The following TMEM169 variants were observed in gnomAD, a reference collection of about 807,000 sequenced individuals.
The protein encoded by TMEM169 is transmembrane protein 169.
In TMEM169, 18 loss-of-function variants were observed where a neutral mutation model predicts 27.3. The ratio of observed to expected loss-of-function variants is 0.66; its 90% CI spans 0.46 to 0.98. TMEM169 has a LOEUF of 0.98. Among genes scored for constraint, TMEM169 ranks in the 50% least tolerant of loss-of-function variants. TMEM169 has a pLI of 0.00. For synonymous variants in TMEM169, 136 were observed against 142.1 expected (o/e 0.96, Z 0.30); for missense variants, 320 against 368.6 (o/e 0.87, Z 1.08).
chr2:216,102,379 A>T lies in TMEM169; in HGVS notation c.*1837A>T, dbSNP rs1484556567. 1 of 152,414 alleles carries T rather than the reference A, an allele frequency of 6.6e-6. No homozygotes were observed. The highest frequency in any genetic ancestry group is 1.5e-5 in the Non-Finnish European group (1 of 68,042). 9.4% of individuals were successfully genotyped at this position (152,414 alleles called of 1,614,324 possible). ...TTAACAGACTCTGAACTTAAAAAAAAAAATCACTCCTAAGGGTGTCCTTCT... is the reference window on the plus strand; with the variant it reads ...TTAACAGACTCTGAACTTAAAAAAATAAATCACTCCTAAGGGTGTCCTTCT... On this transcript the variant is annotated 3_prime_UTR_variant, in exon 3 of 3. Transcript: ENST00000437356.
intron 1 of TMEM169, among the ~76,000 whole-genome samples, chr2:216,091,639 A>T (rs957205039): frequency 6.6e-6 from 1 of 150,896 alleles, no homozygotes; most frequent in Admixed American, 6.6e-5. Flanking sequence ...GTGAGAAGGC[A>T]CCATCTATGA....
At chr2:216,084,409 A>C (rs1695949993) in intron 1 of TMEM169, among the ~76,000 whole-genome samples, 2 of 152,238 alleles carry the variant, frequency 1.3e-5, no homozygotes, top group African/African-American at 2.4e-5. Flanking sequence ...ACTTCTCCTT[A>C]GTCTCAGGCT....
chr2:216,099,073 T>C lies in TMEM169; in HGVS notation c.272-847T>C, dbSNP rs1192049679. Among the ~76,000 whole-genome samples the C allele has an allele frequency of 2.0e-5, 3 of 148,868 alleles. No homozygotes were observed. The highest frequency in any genetic ancestry group is 3.0e-5 in the Non-Finnish European group (2 of 67,490). ...ATGTGTGGTGTGTGTGATGTGTATG[T>C]GTGTGTGTGGTGTGTTATGTGTGTA... is the stretch of plus-strand genomic sequence containing the variant. On this transcript the variant is annotated intron_variant, in intron 2 of 2. Transcript: ENST00000437356. The surrounding 1 kb of genome is among the most constrained non-coding windows in gnomAD (Gnocchi z 5.0).
intron 1 of TMEM169, among the ~76,000 whole-genome samples, chr2:216,094,034 T>C (rs1235768637): frequency 6.6e-6 from 1 of 152,184 alleles, no homozygotes; most frequent in Non-Finnish European, 1.5e-5. Context: ...GAAGCTTTAT[T>C]ATTGGAAATA....
intron 1 of TMEM169, among the ~76,000 whole-genome samples, chr2:216,089,184 A>C (rs1029662142): frequency 2.6e-5 from 4 of 152,196 alleles, no homozygotes; most frequent in African/African-American, 4.8e-5. Flanking sequence ...AGAAAGTTAA[A>C]GGAGGTGAGG....
At position 216,100,538 on chromosome 2, in the gene TMEM169, T is replaced by C. The variant is rs775815269; in HGVS notation, c.890T>C (p.Val297Ala). The part of the protein sequence containing the change: ...DPIQEVETST[V>A] ...ATCCAAGAAGTAGAAACCTCCACGG[T>C]CTAAACTCCCAACAACTTACTCCCT... Residue 297 changes from valine (V) to alanine (A), a missense_variant, in exon 3 of 3, where the codon GTC becomes GCC. Transcript: ENST00000437356. The C allele has an allele frequency of 6.8e-6, 11 of 1,613,876 alleles. No homozygotes were observed. The African/African-American group carries it at 1.2e-4, about 18-fold the overall frequency.
chr2:216,097,858 T>C (rs1019299420), intron 2 of TMEM169, among the ~76,000 whole-genome samples: 2 of 152,106 alleles, frequency 1.3e-5, no homozygotes, highest in Non-Finnish European at 2.9e-5. Context: ...ACTGCATGGT[T>C]GTGAAAGGCT....
rs1322009372 is a variant in TMEM169 at position 216,098,279 on chromosome 2, C to T, written c.272-1641C>T. ...ATGCTGATGGGAGACTATTGTGTCC[C>T]TGCAGCCTCAGTAGCACTAATGGAG... is the stretch of plus-strand genomic sequence containing the variant. On this transcript the variant is annotated intron_variant, in intron 2 of 2. Coordinates refer to ENST00000437356, the MANE Select transcript of TMEM169 (RefSeq NM_001142311.2). Among the ~76,000 whole-genome samples, 3 of 152,206 alleles carry T rather than the reference C, an allele frequency of 2.0e-5. No homozygotes were observed. The East Asian group carries it at 5.8e-4, about 29-fold the overall frequency.
chr2:216,084,424 C>CA (rs1193072335), intron 1 of TMEM169, among the ~76,000 whole-genome samples: 1 of 152,158 alleles, frequency 6.6e-6, no homozygotes, highest in Non-Finnish European at 1.5e-5. Flanking sequence ...CAGGCTTTCA[C>CA]AAAAAATAAG....
chr2:216,089,479 A>G (rs896964873), intron 1 of TMEM169, among the ~76,000 whole-genome samples: 7 of 152,052 alleles, frequency 4.6e-5, no homozygotes, highest in African/African-American at 1.7e-4. Flanking sequence ...TATTTTTGAG[A>G]CAGAGTCTCA....
chr2:216,093,719 G>GAGA (rs1368897669), intron 1 of TMEM169, among the ~76,000 whole-genome samples: 10 of 152,102 alleles, frequency 6.6e-5, no homozygotes, highest in Admixed American at 2.0e-4. Flanking sequence ...GGCAGCAGAG[G>GAGA]AGAACTCCCC....
intron 1 of TMEM169, among the ~76,000 whole-genome samples, chr2:216,095,126 CAG>C (rs1696234349): frequency 3.6e-5 from 1 of 27,836 alleles, no homozygotes; most frequent in Non-Finnish European, 5.3e-5. Context: ...TTTTTTTTGA[CAG>C]AGTCTCGCTC....
intron 1 of TMEM169, among the ~76,000 whole-genome samples, chr2:216,091,501 G>A (rs542452191): frequency 7.1e-6 from 1 of 141,746 alleles, no homozygotes; most frequent in East Asian, 2.1e-4. Flanking sequence ...AGGTTGCAGT[G>A]AGCCAAGATT....
At chr2:216,083,786 A>G (rs1695930325) in intron 1 of TMEM169, among the ~76,000 whole-genome samples, 1 of 152,186 alleles carries the variant, frequency 6.6e-6, no homozygotes, top group Admixed American at 6.5e-5. Flanking sequence ...GGTCTCTTCA[A>G]GCGATCTTTT....
At chr2:216,091,800 T>G (rs1380889666) in intron 1 of TMEM169, among the ~76,000 whole-genome samples, 7 of 152,184 alleles carry the variant, frequency 4.6e-5, no homozygotes, top group Non-Finnish European at 7.4e-5. Context: ...TGAGGGAGAT[T>G]GTTGTTGATC....
At chr2:216,093,868 T>C (rs1002433943) in intron 1 of TMEM169, among the ~76,000 whole-genome samples, 1 of 152,178 alleles carries the variant, frequency 6.6e-6, no homozygotes, top group Non-Finnish European at 1.5e-5. Context: ...ACATGGTAAT[T>C]ACCAAAGATA....
intron 1 of TMEM169, among the ~76,000 whole-genome samples, chr2:216,086,071 T>C (rs1359953414): frequency 6.6e-6 from 1 of 150,420 alleles, no homozygotes; most frequent in East Asian, 1.9e-4. Flanking sequence ...GTAAGAATCT[T>C]TTTTTTTTTC....
intron 1 of TMEM169, among the ~76,000 whole-genome samples, chr2:216,091,482 G>A (rs1390894814): frequency 6.6e-6 from 1 of 150,748 alleles, no homozygotes; most frequent in African/African-American, 2.4e-5. Flanking sequence ...GCTTGAACTT[G>A]GGAGGCAGAG....
chr2:216,098,301 G>A (rs1400461219), intron 2 of TMEM169, among the ~76,000 whole-genome samples: 1 of 152,196 alleles, frequency 6.6e-6, no homozygotes, highest in African/African-American at 2.4e-5. Context: ...TAGCACTAAT[G>A]GAGAAGTTCG....
Sources: gnomAD v4.1 joint callset for allele counts (sites outside exome capture counted in the v4.1 genomes callset) on GRCh38, gnomAD v4.1.1 for gene constraint, Gnocchi (gnomAD v3.1) non-coding constraint, MANE v1.5 for transcripts, NCBI Gene and HGNC (gene_info 2026-07-23, HGNC 2026-07-21) for gene names.